The following ZFPM2 variants were observed in gnomAD, a reference collection of about 807,000 sequenced individuals.
ZFPM2 encodes the protein zinc finger protein, FOG family member 2, also known as zinc finger protein ZFPM2.
Under a neutral mutation model 98.6 loss-of-function variants are expected in ZFPM2, and 20 were observed. The ratio of observed to expected loss-of-function variants is 0.20; its 90% CI spans 0.14 to 0.29. The LOEUF is 0.29. Ranked by LOEUF, ZFPM2 falls within the 10% of genes least tolerant of loss-of-function variation. The pLI is 1.00. For missense variants in ZFPM2, 1,310 were observed against 1,388.6 expected (o/e 0.94, Z 0.90); for synonymous variants, 518 against 502.7 (o/e 1.03, Z -0.41).
At chr8:105,703,551 G>A (rs1811189541) in intron 5 of ZFPM2, among the ~76,000 whole-genome samples, 1 of 152,054 alleles carries the variant, frequency 6.6e-6, no homozygotes, top group Admixed American at 6.6e-5. Context: ...TTTAGGAAAT[G>A]GGCAGAATCT....
chr8:105,518,502 GA>G (rs1339638308), intron 3 of ZFPM2, among the ~76,000 whole-genome samples: 1 of 152,170 alleles, frequency 6.6e-6, no homozygotes, highest in Non-Finnish European at 1.5e-5. Context: ...TCTCATGCAT[GA>G]AAAATTGAGA....
chr8:105,505,689 T>C (rs1472287490), intron 3 of ZFPM2, among the ~76,000 whole-genome samples: 2 of 152,142 alleles, frequency 1.3e-5, no homozygotes, highest in Admixed American at 1.3e-4. Context: ...TCAAATATTA[T>C]TACTACTCCT....
Position 105,657,921 on chromosome 8 carries a change from A to C in ZFPM2, c.532+23564A>C, listed in dbSNP as rs573240296. ...AAACAATTCAGCCCACAGTGGTTCAAATCTAAACAAAAAATAATTTATTTT... is the reference window on the plus strand; with the variant it reads ...AAACAATTCAGCCCACAGTGGTTCACATCTAAACAAAAAATAATTTATTTT... On this transcript the variant is annotated intron_variant, in intron 5 of 7. Coordinates refer to ENST00000407775, the MANE Select transcript of ZFPM2 (RefSeq NM_012082.4). Among the ~76,000 whole-genome samples, 117 of 152,336 alleles carry C rather than the reference A, an allele frequency of 7.7e-4. 3 individuals are homozygous for C. The South Asian group carries it at 0.024, about 31-fold the overall frequency.
chr8:105,538,265 TA>T (rs1181434811), intron 3 of ZFPM2, among the ~76,000 whole-genome samples: 10 of 151,998 alleles, frequency 6.6e-5, no homozygotes, highest in Non-Finnish European at 2.9e-5. Flanking sequence ...ATTTACTTTA[TA>T]TAATTACTTT....
At chr8:105,502,095 TA>T (rs1211744729) in intron 3 of ZFPM2, among the ~76,000 whole-genome samples, 1 of 152,140 alleles carries the variant, frequency 6.6e-6, no homozygotes, top group East Asian at 1.9e-4. Context: ...ACAATAAAAG[TA>T]TACACAAATT....
chr8:105,395,620 C>A (rs1035431068), intron 1 of ZFPM2, among the ~76,000 whole-genome samples: 6 of 150,360 alleles, frequency 4.0e-5, no homozygotes, highest in East Asian at 1.9e-4. Flanking sequence ...TCCCCTATTT[C>A]CCCCCATACA....
At chr8:105,385,747 C>T (rs1320113482) in intron 1 of ZFPM2, among the ~76,000 whole-genome samples, 3 of 152,182 alleles carry the variant, frequency 2.0e-5, no homozygotes, top group Non-Finnish European at 2.9e-5. Flanking sequence ...GTCATTCCTT[C>T]ATTGGCACAT....
intron 2 of ZFPM2, among the ~76,000 whole-genome samples, chr8:105,422,010 G>A (rs1426683116): frequency 8.0e-6 from 1 of 125,546 alleles, no homozygotes; most frequent in South Asian, 2.5e-4. Context: ...TCGCACCACC[G>A]CACTCTAGCC....
intron 2 of ZFPM2, among the ~76,000 whole-genome samples, chr8:105,438,528 TC>T (rs1179867656): frequency 1.3e-5 from 2 of 152,216 alleles, no homozygotes; most frequent in Non-Finnish European, 2.9e-5. Flanking sequence ...CCAGACACAC[TC>T]CTTTCTATTT....
At position 105,802,368 on chromosome 8, in the gene ZFPM2, C is replaced by A; in HGVS notation, c.2286C>A (p.Asp762Glu). The A allele has an allele frequency of 6.2e-7, 1 of 1,613,756 alleles. No individual in the cohort carries two copies. The highest frequency in any genetic ancestry group is 8.5e-7 in the Non-Finnish European group (1 of 1,179,834). Residue 762 changes from aspartate to glutamate, a missense_variant, in exon 8 of 8, where the codon GAC (aspartate) becomes GAA (glutamate). Physicochemically the swap from Asp to Glu is conservative, Grantham distance 45 (BLOSUM62 2). Coordinates refer to ENST00000407775, the MANE Select transcript of ZFPM2 (RefSeq NM_012082.4). Reference sequence around the variant, plus strand: ...CACTGGTTCAGCAGAGATTTCTTGACGTAGCCAACCTCAATAATCCTTGTA... The same window carrying A: ...CACTGGTTCAGCAGAGATTTCTTGAAGTAGCCAACCTCAATAATCCTTGTA... ...RPPLVQQRFL[D>E]VANLNNPCTS... is the part of the protein sequence containing the mutation.
chr8:105,437,467 G>A (rs1812142855), intron 2 of ZFPM2, among the ~76,000 whole-genome samples: 1 of 148,562 alleles, frequency 6.7e-6, no homozygotes. Flanking sequence ...CCCTTAATAG[G>A]TTGAATTACA....
chr8:105,592,911 G>A (rs777048957), intron 4 of ZFPM2, among the ~76,000 whole-genome samples: 1 of 152,110 alleles, frequency 6.6e-6, no homozygotes, highest in African/African-American at 2.4e-5. Flanking sequence ...ATTTCATATC[G>A]AAATTCTCTG....
At chr8:105,332,421 T>A (rs894293605) in intron 1 of ZFPM2, among the ~76,000 whole-genome samples, 4 of 151,662 alleles carry the variant, frequency 2.6e-5, no homozygotes, top group East Asian at 1.9e-4. Context: ...GAATGAAAAA[T>A]TTTTTTAAAA....
At chr8:105,422,025 C>T (rs149232881) in intron 2 of ZFPM2, among the ~76,000 whole-genome samples, 1,967 of 120,660 alleles carry the variant, frequency 0.016, 45 homozygotes, top group African/African-American at 0.062. Flanking sequence ...CTAGCCTGTG[C>T]GACGGGAGCG....
At chr8:105,585,490 TTA>T (rs968673126) in intron 4 of ZFPM2, among the ~76,000 whole-genome samples, 1 of 152,202 alleles carries the variant, frequency 6.6e-6, no homozygotes, top group Non-Finnish European at 1.5e-5. Context: ...GAGAGTAATT[TTA>T]TGTGTTTTGT....
chr8:105,471,940 A>C (rs1812912367), intron 3 of ZFPM2, among the ~76,000 whole-genome samples: 1 of 152,150 alleles, frequency 6.6e-6, no homozygotes, highest in South Asian at 2.1e-4. Flanking sequence ...ATTATTACCC[A>C]AGACCCCAAT....
chr8:105,373,990 G>T (rs1310264509), intron 1 of ZFPM2, among the ~76,000 whole-genome samples: 1 of 152,138 alleles, frequency 6.6e-6, no homozygotes, highest in Non-Finnish European at 1.5e-5. Context: ...TAGATATTGT[G>T]TACAAAAAAT....
At chr8:105,563,822 C>T (rs967339389) in intron 4 of ZFPM2, among the ~76,000 whole-genome samples, 1 of 152,102 alleles carries the variant, frequency 6.6e-6, no homozygotes, top group African/African-American at 2.4e-5. Context: ...GATACCAATG[C>T]AACCTTTAAT....
At position 105,723,497 on chromosome 8, in the gene ZFPM2, C is replaced by T. The variant is rs11985691; in HGVS notation, c.533-65221C>T. ...TTCTGGTGTTGAACTAATGAAGATC[C>T]GGGTGGCCAGGGACATTGTTCAATA... On this transcript the variant is annotated intron_variant, in intron 5 of 7. Transcript: ENST00000407775. 8.7e-3 allele frequency among the ~76,000 whole-genome samples: 1,322 copies of T among 151,808 alleles called. 20 individuals are homozygous for T. The highest frequency in any genetic ancestry group is 0.029 in the African/African-American group (1,221 of 41,458).
Sources: allele counts gnomAD v4.1 joint callset (sites outside exome capture counted in the v4.1 genomes callset), GRCh38; gene constraint gnomAD v4.1.1; transcripts MANE v1.5; gene names NCBI Gene and HGNC (gene_info 2026-07-23, HGNC 2026-07-21).